The following MACROD2 variants were observed in gnomAD, a reference collection of about 807,000 sequenced individuals.
MACROD2 encodes ADP-ribose glycohydrolase MACROD2.
A neutral mutation model predicts 70.4 loss-of-function variants in MACROD2; 36 were observed. That is an observed-to-expected ratio of 0.51 (90% CI 0.39 to 0.68). The LOEUF (loss-of-function observed/expected upper bound fraction) is 0.68, where lower values mean the gene tolerates loss of function less well. Among genes scored for constraint, MACROD2 ranks in the 30% least tolerant of loss-of-function variants. The pLI is 0.00. For synonymous variants in MACROD2, 172 were observed against 178.8 expected (o/e 0.96, Z 0.30); for missense variants, 496 against 538.4 (o/e 0.92, Z 0.78).
At position 15,207,329 on chromosome 20, in the gene MACROD2, G is replaced by A. The variant is rs1026305554; in HGVS notation, c.419-22611G>A. ...TTCATTCCTGAAGGATAAGTTTGCTGGATATAGGATTCTGGGTTTGACAGA... is the reference window on the plus strand; with the variant it reads ...TTCATTCCTGAAGGATAAGTTTGCTAGATATAGGATTCTGGGTTTGACAGA... On this transcript the variant is annotated intron_variant, in intron 5 of 17. Coordinates refer to ENST00000684519, the MANE Select transcript of MACROD2 (RefSeq NM_001351661.2). Among the ~76,000 whole-genome samples, 8 of 151,746 alleles carry A rather than the reference G, an allele frequency of 5.3e-5. No individual in the cohort carries two copies. The East Asian group carries it at 1.4e-3, about 26-fold the overall frequency.
chr20:14,044,841 C>T (rs2053445776), intron 2 of MACROD2, among the ~76,000 whole-genome samples: 1 of 152,220 alleles, frequency 6.6e-6, no homozygotes, highest in Non-Finnish European at 1.5e-5. Context: ...CTCCTCAGCC[C>T]TTGGGCGGTC....
intron 3 of MACROD2, among the ~76,000 whole-genome samples, chr20:14,444,229 T>C (rs920978592): frequency 1.3e-5 from 2 of 152,112 alleles, no homozygotes; most frequent in Non-Finnish European, 2.9e-5. Context: ...AGAGATACTT[T>C]GTCAGGGAGA....
At chr20:14,093,227 G>A (rs947270374) in intron 3 of MACROD2, among the ~76,000 whole-genome samples, 1 of 151,784 alleles carries the variant, frequency 6.6e-6, no homozygotes, top group East Asian at 1.9e-4. Context: ...CTACAAGCAC[G>A]TGCCACCATG....
intron 3 of MACROD2, among the ~76,000 whole-genome samples, chr20:14,172,534 A>C (rs2081231085): frequency 6.6e-6 from 1 of 152,054 alleles, no homozygotes. Flanking sequence ...TAAACTCCTG[A>C]CCTCAAGTGA....
chr20:14,447,878 A>T (rs2084199932), intron 3 of MACROD2, among the ~76,000 whole-genome samples: 1 of 151,566 alleles, frequency 6.6e-6, no homozygotes, highest in Non-Finnish European at 1.5e-5. Context: ...CTAGAGGCTG[A>T]GGGGGAATTA....
intron 6 of MACROD2, among the ~76,000 whole-genome samples, chr20:15,308,903 CTT>C (rs113978350): frequency 8.8e-4 from 134 of 152,268 alleles, no homozygotes; most frequent in African/African-American, 3.1e-3. Flanking sequence ...CCTCCTTGTG[CTT>C]TGCTGTTCTC....
intron 2 of MACROD2, among the ~76,000 whole-genome samples, chr20:14,047,289 A>C (rs61071630): frequency 5.2e-4 from 79 of 152,086 alleles, no homozygotes; most frequent in African/African-American, 1.8e-3. Context: ...TACTAAAAAA[A>C]CCCAAATATA....
intron 3 of MACROD2, among the ~76,000 whole-genome samples, chr20:14,353,441 T>G (rs574111641): frequency 1.3e-5 from 2 of 152,262 alleles, no homozygotes; most frequent in East Asian, 3.9e-4. Context: ...TTTCTCTTGG[T>G]GAATATACCT....
At chr20:15,641,169 G>A (rs2049453930) in intron 8 of MACROD2, among the ~76,000 whole-genome samples, 1 of 152,182 alleles carries the variant, frequency 6.6e-6, no homozygotes. Context: ...TGCTTCAGTT[G>A]CGAATCAAGG....
chr20:14,474,669 A>G (rs1444015563), intron 3 of MACROD2, among the ~76,000 whole-genome samples: 1 of 152,106 alleles, frequency 6.6e-6, no homozygotes, highest in Non-Finnish European at 1.5e-5. Context: ...GGGTGCATAC[A>G]TATTTACAAT....
At chr20:14,211,168 T>C (rs2081568053) in intron 3 of MACROD2, among the ~76,000 whole-genome samples, 1 of 152,194 alleles carries the variant, frequency 6.6e-6, no homozygotes, top group African/African-American at 2.4e-5. Flanking sequence ...GGAAAGTAAT[T>C]GGGCAAAGAA....
chr20:15,931,271 G>T (rs900447795), intron 10 of MACROD2, among the ~76,000 whole-genome samples: 2 of 152,164 alleles, frequency 1.3e-5, no homozygotes, highest in Non-Finnish European at 1.5e-5. Context: ...GAAAATATCA[G>T]ATAATCATGT....
intron 5 of MACROD2, among the ~76,000 whole-genome samples, chr20:14,979,364 A>T (rs2122832014): frequency 6.6e-6 from 1 of 152,330 alleles, no homozygotes; most frequent in South Asian, 2.1e-4. Context: ...ATTTGGGCAA[A>T]TACTGCATTT....
intron 8 of MACROD2, among the ~76,000 whole-genome samples, chr20:15,851,605 A>C (rs1411656022): frequency 6.6e-6 from 1 of 152,164 alleles, no homozygotes; most frequent in African/African-American, 2.4e-5. Flanking sequence ...CTGTCTTCAA[A>C]TATAGTCACA....
At chr20:16,023,332 G>A (rs577057675) in intron 15 of MACROD2, among the ~76,000 whole-genome samples, 9 of 151,990 alleles carry the variant, frequency 5.9e-5, no homozygotes, top group East Asian at 1.9e-4. Context: ...AAAATTAGCC[G>A]GGCATGGTGG....
intron 3 of MACROD2, among the ~76,000 whole-genome samples, chr20:14,255,908 G>GT (rs960171659): frequency 3.3e-5 from 5 of 151,564 alleles, no homozygotes; most frequent in Non-Finnish European, 7.4e-5. Flanking sequence ...CCTAGATGTT[G>GT]TTTTTTTCTT....
At chr20:14,681,815 A>C (rs1350756870) in intron 4 of MACROD2, among the ~76,000 whole-genome samples, 1 of 152,186 alleles carries the variant, frequency 6.6e-6, no homozygotes, top group Non-Finnish European at 1.5e-5. Context: ...CACATGCAGG[A>C]ATTGAGAAGA....
intron 6 of MACROD2, among the ~76,000 whole-genome samples, chr20:15,317,460 C>A (rs1416327615): frequency 1.3e-5 from 2 of 151,432 alleles, no homozygotes; most frequent in African/African-American, 4.9e-5. Context: ...AAGAAGATAT[C>A]TATATCTCTG....
chr20:14,632,272 A>C (rs1984555635), intron 4 of MACROD2, among the ~76,000 whole-genome samples: 1 of 152,192 alleles, frequency 6.6e-6, no homozygotes, highest in Non-Finnish European at 1.5e-5. Flanking sequence ...TTAGAATTTA[A>C]TTTAAATATT....
Sources: allele counts gnomAD v4.1 joint callset (sites outside exome capture counted in the v4.1 genomes callset), GRCh38; gene constraint gnomAD v4.1.1; transcripts MANE v1.5; gene names NCBI Gene and HGNC (gene_info 2026-07-23, HGNC 2026-07-21).